PCDH15: variants seen among roughly 807,000 people sequenced by gnomAD.
PCDH15 encodes protocadherin-15.
Under a neutral mutation model 178.5 loss-of-function variants are expected in PCDH15, and 129 were observed. The observed-to-expected ratio is 0.72, with a 90% CI of 0.63 to 0.84. The LOEUF is 0.84. Ranked by LOEUF, PCDH15 falls within the 40% of genes least tolerant of loss-of-function variation. The pLI is 0.00. For synonymous variants in PCDH15, 800 were observed against 732.0 expected (o/e 1.09, Z -1.50); for missense variants, 2,230 against 2,099.9 (o/e 1.06, Z -1.21).
chr10:55,575,773 A>G (rs915895871), intron 2 of PCDH15: 2 of 152,342 alleles, frequency 1.3e-5, no homozygotes, highest in African/African-American at 4.8e-5. Flanking sequence ...AAATTCACGA[A>G]CAATTCCCTT....
intron 2 of PCDH15, among the ~76,000 whole-genome samples, chr10:54,654,152 C>T (rs910534825): frequency 2.0e-5 from 3 of 152,196 alleles, no homozygotes; most frequent in South Asian, 2.1e-4. Flanking sequence ...TTGCTCACTC[C>T]ACCCACCAGC....
At chr10:54,860,806 C>T (rs1255592800) in intron 3 of PCDH15, among the ~76,000 whole-genome samples, 1 of 152,090 alleles carries the variant, frequency 6.6e-6, no homozygotes, top group Non-Finnish European at 1.5e-5. Flanking sequence ...CCAACTTTGT[C>T]TAATATATTG....
chr10:55,236,967 G>T (rs949380777), intron 1 of PCDH15, among the ~76,000 whole-genome samples: 1 of 151,330 alleles, frequency 6.6e-6, no homozygotes, highest in Admixed American at 6.6e-5. Context: ...TCACGTGTAC[G>T]CATCACTGGA....
chr10:54,322,177 G>A (rs2061652398), intron 7 of PCDH15, among the ~76,000 whole-genome samples: 1 of 151,750 alleles, frequency 6.6e-6, no homozygotes, highest in Admixed American at 6.6e-5. Flanking sequence ...CTGAGTAAAT[G>A]AAATAACATT....
chr10:54,540,258 A>G (rs1404945192), intron 2 of PCDH15, among the ~76,000 whole-genome samples: 1 of 152,162 alleles, frequency 6.6e-6, no homozygotes, highest in Non-Finnish European at 1.5e-5. Context: ...CACTGACTAT[A>G]TGACTATATA....
intron 18 of PCDH15, among the ~76,000 whole-genome samples, chr10:54,025,070 T>C (rs80110257): frequency 0.011 from 1,690 of 152,304 alleles, 32 homozygotes; most frequent in African/African-American, 0.039. Context: ...GTTGTTTTTA[T>C]TGACCCATAT....
intron 3 of PCDH15, among the ~76,000 whole-genome samples, chr10:54,518,808 C>A (rs574645866): frequency 3.9e-5 from 6 of 152,232 alleles, no homozygotes; most frequent in African/African-American, 1.4e-4. Flanking sequence ...TGCAGAAATC[C>A]TCAATAAAAT....
At chr10:53,894,052 C>A (rs1481359347) in intron 26 of PCDH15, among the ~76,000 whole-genome samples, 4 of 151,980 alleles carry the variant, frequency 2.6e-5, no homozygotes, top group African/African-American at 9.7e-5. Flanking sequence ...ATAAAATAAA[C>A]TAAATTAAAA....
At chr10:55,144,899 A>AT (rs538434672) in intron 2 of PCDH15, among the ~76,000 whole-genome samples, 1 of 151,912 alleles carries the variant, frequency 6.6e-6, no homozygotes, top group African/African-American at 2.4e-5. Flanking sequence ...GACTTCACAT[A>AT]TTTTTTTCCA....
In PCDH15 at chr10:53,903,504, C is replaced by T. The variant is rs16937823; in HGVS notation, c.3374-134G>A. ...CAAAAGCCATTTCTAGATGCCATGC[C>T]TAGCACCCCCAAATTCAGGGGACAC... is the stretch of plus-strand genomic sequence containing the variant. On this transcript the variant is annotated intron_variant, in intron 25 of 37. Transcript: ENST00000644397. 25,792 of 930,710 alleles carry T rather than the reference C, an allele frequency of 0.028. 2,338 individuals are homozygous for T. Among genetic ancestry groups the T allele is most frequent in the African/African-American group, 0.24 (14,832 of 61,062 alleles). 57.7% of individuals were successfully genotyped at this position (930,710 alleles called of 1,614,324 possible). A position where few individuals can be genotyped will look rare whatever the true frequency, so the allele number is the denominator to read the frequency against.
chr10:55,138,786 C>G (rs1286657886), intron 2 of PCDH15, among the ~76,000 whole-genome samples: 1 of 152,042 alleles, frequency 6.6e-6, no homozygotes, highest in Admixed American at 6.6e-5. Flanking sequence ...CTCCCTATAC[C>G]ATCAACCTGC....
intron 2 of PCDH15, chr10:55,468,209 A>AAATCATTCCTAGAAAGTTGCCCAACTT (rs1839880345): frequency 1.3e-5 from 2 of 152,116 alleles, no homozygotes; most frequent in African/African-American, 4.8e-5. Flanking sequence ...GAGAACACTA[A>AAATCATTCCTAGAAAGTTGCCCAACTT]AATCATTCCT....
chr10:55,190,521 T>C lies in PCDH15; in HGVS notation c.-155-23870A>G, dbSNP rs1172333131. 1.3e-5 allele frequency among the ~76,000 whole-genome samples: 2 copies of C among 151,722 alleles called. 1 individual carries two copies. Among genetic ancestry groups the C allele is most frequent in the African/African-American group, 4.8e-5 (2 of 41,318 alleles). On this transcript the variant is annotated intron_variant, in intron 1 of 5. Transcript: ENST00000458638. The stretch of plus-strand genomic sequence containing the variant: ...TAGCTATAGGTCAAAATAAGTGTTA[T>C]TTAAAACCCTTACATACCAATTCCC...
At chr10:55,369,119 A>T (rs529960466) in intron 2 of PCDH15, among the ~76,000 whole-genome samples, 1 of 151,408 alleles carries the variant, frequency 6.6e-6, no homozygotes, top group African/African-American at 2.4e-5. Flanking sequence ...GTTTCTATTC[A>T]TATTTCTCAC....
intron 3 of PCDH15, among the ~76,000 whole-genome samples, chr10:54,527,396 C>T (rs11004348): frequency 0.018 from 2,731 of 152,158 alleles, 77 homozygotes; most frequent in African/African-American, 0.061. Flanking sequence ...CATGTCTAAT[C>T]GGCTGTGGAT....
chr10:55,128,460 C>T (rs1186077660), intron 2 of PCDH15, among the ~76,000 whole-genome samples: 1 of 152,020 alleles, frequency 6.6e-6, no homozygotes, highest in Non-Finnish European at 1.5e-5. Flanking sequence ...ACCTCATGCT[C>T]TCTCATGTAG....
At chr10:55,397,951 G>GT (rs1837970031) in intron 2 of PCDH15, among the ~76,000 whole-genome samples, 3 of 152,086 alleles carry the variant, frequency 2.0e-5, no homozygotes, top group Admixed American at 6.6e-5. Flanking sequence ...TGCTAATGAG[G>GT]TAACTAATGT....
chr10:54,874,986 G>C (rs1954113681), intron 3 of PCDH15, among the ~76,000 whole-genome samples: 1 of 152,078 alleles, frequency 6.6e-6, no homozygotes, highest in African/African-American at 2.4e-5. Context: ...TGATTAAAAG[G>C]CTGGTTTACA....
At position 54,181,258 on chromosome 10, in the gene PCDH15, T is replaced by C. The variant is rs181177171; in HGVS notation, c.1590+2186A>G. On this transcript the variant is annotated intron_variant, in intron 13 of 37. Transcript: ENST00000644397. ...TGGTCCATCAATTGACTGGAACTAA[T>C]AGTCATGTATCTACAGCTTCCCATT... Among the ~76,000 whole-genome samples the C allele has an allele frequency of 5.4e-3, 829 of 152,312 alleles. 4 individuals carry two copies. The highest frequency in any genetic ancestry group is 6.9e-3 in the Non-Finnish European group (467 of 68,008).
Sources: allele counts gnomAD v4.1 joint callset (sites outside exome capture counted in the v4.1 genomes callset), GRCh38; gene constraint gnomAD v4.1.1; transcripts MANE v1.5; gene names NCBI Gene and HGNC (gene_info 2026-07-23, HGNC 2026-07-21).